Variants in CDH23 observed in about 807,000 individuals in gnomAD.
CDH23 encodes the protein cadherin related 23, also known as cadherin-23.
In CDH23, 189 loss-of-function variants were observed where a neutral mutation model predicts 317.1. The observed-to-expected ratio is 0.60, with a 90% CI of 0.53 to 0.67. The LOEUF (loss-of-function observed/expected upper bound fraction) is 0.67. Ranked by LOEUF, CDH23 falls within the 30% of genes least tolerant of loss-of-function variation. The pLI, the probability that CDH23 is intolerant of heterozygous loss-of-function variation, is 0.00. For synonymous variants in CDH23, 1,839 were observed against 1,876.8 expected, an observed-to-expected ratio of 0.98 and a Z score of 0.52; for missense variants, 4,401 against 4,592.4, an observed-to-expected ratio of 0.96 and a Z score of 1.20.
chr10:71,591,277 A>G (rs1384015162), intron 9 of CDH23, among the ~76,000 whole-genome samples: 1 of 152,212 alleles, frequency 6.6e-6, no homozygotes, highest in African/African-American at 2.4e-5. Context: ...TAAGTGGTGC[A>G]TGGATGGGGC....
chr10:71,784,888 C>A lies in CDH23; in HGVS notation c.5503-3C>A, dbSNP rs1183178885. ...CTCCCTCCTCCTTCTCTGACTGGCC[C>A]AGATGCTGGTGGGGATCCGGGTGCT... On this transcript the variant is annotated splice_region_variant and splice_polypyrimidine_tract_variant and intron_variant, in intron 42 of 69. Coordinates refer to ENST00000224721, the MANE Select transcript of CDH23 (RefSeq NM_022124.6). 9 of 1,613,172 alleles carry A rather than the reference C, an allele frequency of 5.6e-6. No homozygotes were observed. The highest frequency in any genetic ancestry group is 7.6e-6 in the Non-Finnish European group (9 of 1,179,220).
chr10:71,800,655 C>T lies in CDH23; in HGVS notation c.7382C>T (p.Ser2461Phe), dbSNP rs373823262. 15 of 1,613,894 alleles carry T rather than the reference C, an allele frequency of 9.3e-6. 1 individual carries two copies. Among genetic ancestry groups the T allele is most frequent in the Non-Finnish European group, 1.3e-5 (15 of 1,179,906 alleles). ...TACTAGGGTGACATCTATGTGCTGT[C>T]TTCTCTGGACCGGGAGAAGAAGGAC... ...NPTTGDIYVL[S>F]SLDREKKDHY... Residue 2461 changes from serine (S) to phenylalanine (F), a missense_variant, in exon 53 of 70, where the codon TCT becomes TTT. Ser to Phe is a radical substitution (Grantham distance 155). Transcript: ENST00000224721.
chr10:71,454,614 G>A (rs537554839), intron 3 of CDH23, among the ~76,000 whole-genome samples: 2 of 152,138 alleles, frequency 1.3e-5, no homozygotes, highest in Non-Finnish European at 2.9e-5. Flanking sequence ...ACTTGGGTAT[G>A]TGTCTGTGCT....
At chr10:71,733,303 A>T (rs913028841) in intron 32 of CDH23, among the ~76,000 whole-genome samples, 1 of 152,144 alleles carries the variant, frequency 6.6e-6, no homozygotes, top group African/African-American at 2.4e-5. Context: ...GCACCCCTAC[A>T]TGTTCAGCAG....
chr10:71,585,066 T>G (rs1858955060), intron 9 of CDH23, among the ~76,000 whole-genome samples: 1 of 152,088 alleles, frequency 6.6e-6, no homozygotes, highest in African/African-American at 2.4e-5. Context: ...CAGGAAGCAC[T>G]GGAATGAGGG....
intron 1 of CDH23, among the ~76,000 whole-genome samples, chr10:71,420,360 T>C (rs1589282784): frequency 6.6e-6 from 1 of 151,056 alleles, no homozygotes; most frequent in East Asian, 2.0e-4. Context: ...TTTCTCAGTG[T>C]CCTCTCCAGT....
intron 38 of CDH23, 93 bp from the exon 39 acceptor site, chr10:71,777,587 A>T (rs1840843865): frequency 1.8e-6 from 2 of 1,084,732 alleles, no homozygotes; most frequent in Non-Finnish European, 2.7e-6. Context: ...TTTGAGTCAC[A>T]TGGAGTGAGT....
At chr10:71,697,960 G>A (rs1345457528) in intron 22 of CDH23, among the ~76,000 whole-genome samples, 1 of 152,122 alleles carries the variant, frequency 6.6e-6, no homozygotes, top group East Asian at 1.9e-4. Flanking sequence ...TAAATGTGAT[G>A]ACCTGAAAGT....
At chr10:71,740,996 C>A (rs755961443) in intron 37 of CDH23, 46 bp downstream of exon 37, 7 of 1,610,508 alleles carry the variant, frequency 4.3e-6, no homozygotes, top group African/African-American at 4.0e-5. Flanking sequence ...ACGGGGGGAC[C>A]GTGGGCACGA....
chr10:71,709,208 A>G lies in CDH23; in HGVS notation c.3217A>G (p.Ile1073Val), dbSNP rs1355103518. 3 of 1,613,534 alleles carry G rather than the reference A, an allele frequency of 1.9e-6. No individual in the cohort carries two copies. The highest frequency in any genetic ancestry group is 2.5e-6 in the Non-Finnish European group (3 of 1,179,530). The part of the protein sequence containing the change: ...TAAYMLILEA[I>V]DNGPVGKRHT... Reference sequence around the variant, plus strand: ...CGCCTACATGCTCATCCTGGAGGCCATCGGTATGCACCAGTCCCGCACCCA... The same window carrying G: ...CGCCTACATGCTCATCCTGGAGGCCGTCGGTATGCACCAGTCCCGCACCCA... Residue 1073 changes from isoleucine to valine, a missense_variant, in exon 27 of 70, where the codon ATC becomes GTC. By Grantham distance (29) the Ile-to-Val change is conservative (BLOSUM62 3). This residue lies in a region of CDH23 where 3,068 missense variants were observed against 3,203.3 expected (regional missense o/e 0.96). Coordinates refer to ENST00000224721, the MANE Select transcript of CDH23 (RefSeq NM_022124.6).
At chr10:71,529,274 G>A (rs1412907474) in intron 6 of CDH23, among the ~76,000 whole-genome samples, 1 of 152,176 alleles carries the variant, frequency 6.6e-6, no homozygotes, top group African/African-American at 2.4e-5. Context: ...GGCCAAGCAA[G>A]AGTGACCCAG....
chr10:71,509,873 A>G (rs1853856664), intron 3 of CDH23: 1 of 592,436 alleles, frequency 1.7e-6, no homozygotes, highest in Admixed American at 2.8e-5. Flanking sequence ...TGATACCATC[A>G]TGACACACTG....
Position 71,615,515 on chromosome 10 carries a change from A to G in CDH23, c.844A>G (p.Ser282Gly), listed in dbSNP as rs762461876. 4.3e-6 allele frequency: 7 copies of G among 1,611,740 alleles called. No individual in the cohort carries two copies. Among genetic ancestry groups the G allele is most frequent in the Non-Finnish European group, 5.9e-6 (7 of 1,178,880 alleles). ...GYTIVSGNTN[S>G]IFALDYISGV... ...TCTCTCTCTTGCAGGGAATACCAACAGCATCTTTGCCCTGGACTACATCAG... is the reference window on the plus strand; with the variant it reads ...TCTCTCTCTTGCAGGGAATACCAACGGCATCTTTGCCCTGGACTACATCAG... Residue 282 changes from serine to glycine, a missense_variant, in exon 10 of 70, where the codon AGC becomes GGC. This residue lies in a region of CDH23 where 3,068 missense variants were observed against 3,203.3 expected (regional missense o/e 0.96). Coordinates refer to ENST00000224721, the MANE Select transcript of CDH23 (RefSeq NM_022124.6).
chr10:71,425,219 CAGAGAGAGAGAGGGAGAG>C (rs1382212836), intron 1 of CDH23, among the ~76,000 whole-genome samples: 2,538 of 55,140 alleles, frequency 0.046, 143 homozygotes, highest in African/African-American at 0.14. Context: ...CACAGTGGGG[CAGAGAGAGAGAGGGAGAG>C]AGAGAGAGAG....
chr10:71,513,794 G>C (rs150497802), intron 6 of CDH23, among the ~76,000 whole-genome samples: 123 of 152,296 alleles, frequency 8.1e-4, no homozygotes, highest in African/African-American at 2.8e-3. Flanking sequence ...CCCATGATCA[G>C]AGGATGAAAC....
chr10:71,725,938 A>T (rs139918253), intron 30 of CDH23, among the ~76,000 whole-genome samples: 9 of 151,320 alleles, frequency 5.9e-5, no homozygotes, highest in African/African-American at 1.9e-4. Flanking sequence ...TGGAGCCCCC[A>T]TCTTCTGAAT....
intron 9 of CDH23, among the ~76,000 whole-genome samples, chr10:71,603,674 C>T (rs193061302): frequency 3.9e-5 from 6 of 152,308 alleles, no homozygotes; most frequent in Admixed American, 2.6e-4. Flanking sequence ...GGCCAGACTC[C>T]GGGCCCCAGG....
intron 38 of CDH23, chr10:71,748,119 C>T (rs148987018): frequency 7.2e-5 from 11 of 152,160 alleles, no homozygotes; most frequent in African/African-American, 2.7e-4. Context: ...TGGGGAAGGC[C>T]TCATTCATGA....
rs2132820119 is a variant in CDH23, at chr10:71,730,523, C to T, written c.3634C>T (p.Gln1212Ter). The change falls in exon 31 of 70, where the codon CAG (glutamine) becomes TAG (stop). Residue 1212 changes from glutamine (Q) to a stop codon, truncating the protein, a stop_gained. Transcript: ENST00000224721. LOFTEE classifies it high-confidence loss of function. The part of the protein sequence containing the change: ...NDEAPVFTQQ[Q>*]YSRLGLRETA... ...TGAGGCCCCCGTGTTCACACAGCAG[C>T]AGTACAGCCGTCTGGGGCTTCGAGA... is the stretch of plus-strand genomic sequence containing the variant. The T allele has an allele frequency of 1.2e-6, 2 of 1,613,970 alleles. No individual in the cohort carries two copies. Among genetic ancestry groups the T allele is most frequent in the Non-Finnish European group, 1.7e-6 (2 of 1,179,888 alleles).
Sources: allele counts gnomAD v4.1 joint callset (sites outside exome capture counted in the v4.1 genomes callset), GRCh38; gene constraint gnomAD v4.1.1; regional missense constraint gnomAD v4.1.1; transcripts MANE v1.5; gene names NCBI Gene and HGNC (gene_info 2026-07-23, HGNC 2026-07-21).